EPB41L4A: variants seen among roughly 807,000 people sequenced by gnomAD.
The protein encoded by EPB41L4A is erythrocyte membrane protein band 4.1 like 4A.
EPB41L4A carries 100 observed loss-of-function variants against 108.6 expected under a neutral mutation model. The ratio of observed to expected loss-of-function variants is 0.92; its 90% CI spans 0.78 to 1.09. EPB41L4A has a LOEUF of 1.09. EPB41L4A is among the 50% of genes least tolerant of loss of function. The pLI is 0.00. For missense variants in EPB41L4A, 1,030 were observed against 842.7 expected, an observed-to-expected ratio of 1.22 and a Z score of -2.75; for synonymous variants, 319 against 289.0, an observed-to-expected ratio of 1.10 and a Z score of -1.05.
At chr5:112,274,859 C>T (rs1752511987) in intron 4 of EPB41L4A, among the ~76,000 whole-genome samples, 1 of 152,076 alleles carries the variant, frequency 6.6e-6, no homozygotes, top group Admixed American at 6.5e-5. Flanking sequence ...ATCCTTAATA[C>T]TAAAAGCAAA....
chr5:112,170,056 A>C (rs2150201532), intron 20 of EPB41L4A: 2 of 446,492 alleles, frequency 4.5e-6, no homozygotes, highest in South Asian at 7.7e-5. Context: ...AACTGACATT[A>C]ATCAGGAAAA....
chr5:112,143,084 C>T (rs1251806592), exon 14 of EPB41L4A: 23 of 152,152 alleles, frequency 1.5e-4, no homozygotes, highest in Admixed American at 1.5e-3. Flanking sequence ...TGAATGAGGC[C>T]ACCCTAGACT....
intron 1 of EPB41L4A, among the ~76,000 whole-genome samples, chr5:112,326,361 T>G (rs1267495822): frequency 6.6e-6 from 1 of 151,926 alleles, no homozygotes. Context: ...AACACACAAA[T>G]AGTTCACCAG....
intron 12 of EPB41L4A, among the ~76,000 whole-genome samples, chr5:112,150,465 A>G (rs1406730739): frequency 6.6e-6 from 1 of 152,192 alleles, no homozygotes; most frequent in Non-Finnish European, 1.5e-5. Flanking sequence ...AAAAAAAACA[A>G]AGGGAACTCC....
At chr5:112,293,938 GA>G (rs1753821982) in intron 2 of EPB41L4A, among the ~76,000 whole-genome samples, 2 of 152,148 alleles carry the variant, frequency 1.3e-5, no homozygotes, top group South Asian at 4.1e-4. Context: ...TCTACTTTTA[GA>G]AGTGCTATTT....
intron 1 of EPB41L4A, among the ~76,000 whole-genome samples, chr5:112,416,343 C>T (rs1212696930): frequency 1.3e-5 from 2 of 152,070 alleles, no homozygotes; most frequent in African/African-American, 4.8e-5. Context: ...AACAATAATA[C>T]AAGCAAATTC....
intron 12 of EPB41L4A, among the ~76,000 whole-genome samples, chr5:112,151,199 T>C (rs1759451256): frequency 6.6e-6 from 1 of 152,040 alleles, no homozygotes; most frequent in Admixed American, 6.5e-5. Context: ...AAAGAAGTGG[T>C]AACCCGTAAA....
intron 1 of EPB41L4A, among the ~76,000 whole-genome samples, chr5:112,350,601 C>A (rs1182708093): frequency 6.6e-6 from 1 of 152,136 alleles, no homozygotes; most frequent in Admixed American, 6.6e-5. Flanking sequence ...TGTTTGTACC[C>A]ATTAACCTAT....
intron 1 of EPB41L4A, among the ~76,000 whole-genome samples, chr5:112,390,101 G>T (rs1025845848): frequency 1.3e-5 from 2 of 152,156 alleles, no homozygotes; most frequent in Non-Finnish European, 2.9e-5. Context: ...AATAGGAAGA[G>T]CTCTGGTCTG....
At chr5:112,273,129 T>C (rs1383727545) in intron 4 of EPB41L4A, among the ~76,000 whole-genome samples, 2 of 152,240 alleles carry the variant, frequency 1.3e-5, no homozygotes, top group East Asian at 1.9e-4. Flanking sequence ...TTAATGGTAA[T>C]ATATTCATGC....
intron 2 of EPB41L4A, among the ~76,000 whole-genome samples, chr5:112,291,575 C>A (rs544108155): frequency 1.3e-5 from 2 of 152,206 alleles, no homozygotes; most frequent in Non-Finnish European, 2.9e-5. Flanking sequence ...CTAATCTTCT[C>A]CCACCTTTCT....
intron 12 of EPB41L4A, chr5:112,228,777 T>C: frequency 1.0e-6 from 1 of 984,762 alleles, no homozygotes; most frequent in Non-Finnish European, 1.2e-6. Flanking sequence ...GCCGTCCCTT[T>C]TCTGGCTTTA....
chr5:112,401,522 A>G (rs961472116), intron 1 of EPB41L4A, among the ~76,000 whole-genome samples: 43 of 152,232 alleles, frequency 2.8e-4, no homozygotes, highest in African/African-American at 9.9e-4. Flanking sequence ...GTGACAGCAA[A>G]TATGTAAATA....
chr5:112,387,478 A>T (rs1760637386), intron 1 of EPB41L4A, among the ~76,000 whole-genome samples: 2 of 152,090 alleles, frequency 1.3e-5, no homozygotes, highest in Non-Finnish European at 2.9e-5. Context: ...TACAAAAAAA[A>T]ATTAGCCAGG....
At chr5:112,413,381 C>A (rs747869372) in intron 1 of EPB41L4A, among the ~76,000 whole-genome samples, 1 of 152,118 alleles carries the variant, frequency 6.6e-6, no homozygotes, top group Non-Finnish European at 1.5e-5. Flanking sequence ...ATTCTAGGGT[C>A]TTTTCTAGTA....
intron 1 of EPB41L4A, among the ~76,000 whole-genome samples, chr5:112,395,297 A>G (rs1214666286): frequency 1.3e-5 from 2 of 152,238 alleles, no homozygotes; most frequent in African/African-American, 4.8e-5. Flanking sequence ...CTACCATCAG[A>G]GTGAACAGGC....
At chr5:112,247,733 C>G (rs1346757575) in intron 9 of EPB41L4A, among the ~76,000 whole-genome samples, 1 of 151,988 alleles carries the variant, frequency 6.6e-6, no homozygotes, top group East Asian at 1.9e-4. Context: ...ATGAGTCTTC[C>G]AAAAGTCTTG....
At chr5:112,412,523 T>C (rs911237992) in intron 1 of EPB41L4A, among the ~76,000 whole-genome samples, 1 of 152,242 alleles carries the variant, frequency 6.6e-6, no homozygotes, top group African/African-American at 2.4e-5. Flanking sequence ...ACACTCTAAA[T>C]TGTACTTACA....
intron 1 of EPB41L4A, among the ~76,000 whole-genome samples, chr5:112,350,345 C>CT (rs1384598658): frequency 6.6e-6 from 1 of 152,076 alleles, no homozygotes; most frequent in African/African-American, 2.4e-5. Context: ...GCACAAGCAT[C>CT]TTTTTTTGAT....
Sources: allele counts gnomAD v4.1 joint callset (sites outside exome capture counted in the v4.1 genomes callset), GRCh38; gene constraint gnomAD v4.1.1; transcripts MANE v1.5; gene names NCBI Gene and HGNC (gene_info 2026-07-23, HGNC 2026-07-21).